Variants in SCNN1A observed in about 807,000 individuals in gnomAD.
The protein encoded by SCNN1A is epithelial sodium channel subunit alpha.
SCNN1A carries 65 observed loss-of-function variants against 68.6 expected under a neutral mutation model. The observed-to-expected ratio is 0.95, with a 90% CI of 0.78 to 1.16. The LOEUF is 1.16. SCNN1A is among the 50% of genes most tolerant of loss of function. The pLI is 0.00. For missense variants in SCNN1A, 880 were observed against 865.9 expected, an observed-to-expected ratio of 1.02 and a Z score of -0.20; for synonymous variants, 357 against 353.3, an observed-to-expected ratio of 1.01 and a Z score of -0.12.
At chr12:6,375,023 C>A in intron 1 of SCNN1A, 186 bp from the exon 2 acceptor site, 1 of 1,543,396 alleles carries the variant, frequency 6.5e-7, no homozygotes. Flanking sequence ...CTGGAGCCAG[C>A]AGACCTGCGG....
In SCNN1A at chr12:6,363,444, A is replaced by G; in HGVS notation, c.683T>C (p.Leu228Pro). Residue 228 changes from leucine to proline, a missense_variant and splice_region_variant, in exon 3 of 13, where the codon CTG becomes CCG. Physicochemically the swap from Leu to Pro is moderately conservative, Grantham distance 98. Coordinates refer to ENST00000228916, the MANE Select transcript of SCNN1A (RefSeq NM_001038.6). ...DWKDWKIGFQLCNQNKSDCFY... is the reference protein window; with the variant it reads ...DWKDWKIGFQPCNQNKSDCFY... ...GCCCCTCGGCGCTGCGGGCCTCACC[A>G]GCTGGAAGCCGATCTTCCAGTCCTT... 6.4e-7 allele frequency: 1 copy of G among 1,574,378 alleles called. No individual in the cohort carries two copies. The highest frequency in any genetic ancestry group is 8.6e-7 in the Non-Finnish European group (1 of 1,162,392).
intron 2 of SCNN1A, among the ~76,000 whole-genome samples, chr12:6,367,792 G>A (rs1210477702): frequency 1.1e-4 from 16 of 152,216 alleles, no homozygotes; most frequent in Admixed American, 1.0e-3. Flanking sequence ...GATTTAATGG[G>A]TCTGGGCTGG....
rs778711245 is a variant in SCNN1A at position 6,355,276 on chromosome 12, C to T, written c.1139G>A (p.Arg380Lys). The change falls in exon 6 of 13, where the codon AGG becomes AAG. Residue 380 changes from arginine (R) to lysine (K), a missense_variant. By Grantham distance (26) the Arg-to-Lys change is conservative. Transcript: ENST00000228916. Reference protein sequence around the residue: ...RPGVETSISMRKETLDRLGGD... With the variant: ...RPGVETSISMKKETLDRLGGD... ...CCTCCCAGTCAGCATCCTTGCCTTC[C>T]TCATGCTGATGGAGGTCTCCACGCC... The T allele has an allele frequency of 3.1e-6, 5 of 1,612,742 alleles. No individual in the cohort carries two copies. Among genetic ancestry groups the T allele is most frequent in the Non-Finnish European group, 4.2e-6 (5 of 1,179,400 alleles).
Position 6,363,551 on chromosome 12 carries a change from C to G in SCNN1A, c.576G>C (p.Arg192Ser), listed in dbSNP as rs574592585. 1 of 1,610,614 alleles carries G rather than the reference C, an allele frequency of 6.2e-7. No homozygotes were observed. Among genetic ancestry groups the G allele is most frequent in the South Asian group, 1.1e-5 (1 of 90,698 alleles). Reference sequence around the variant, plus strand: ...GGGCCCCGTGAGGCGGGGGCGGGACCCTCAGGCGCTGCAAGGGGTGCGGCA... The same window carrying G: ...GGGCCCCGTGAGGCGGGGGCGGGACGCTCAGGCGCTGCAAGGGGTGCGGCA... Reference protein sequence around the residue: ...GTLPHPLQRLRVPPPPHGARR... With the variant: ...GTLPHPLQRLSVPPPPHGARR... The change falls in exon 3 of 13, where the codon AGG (arginine) becomes AGC (serine). Residue 192 changes from arginine to serine, a missense_variant. Arg to Ser is a moderately radical substitution (Grantham distance 110). Transcript: ENST00000228916.
Position 6,348,941 on chromosome 12 carries a change from A to G in SCNN1A, c.1553+9T>C. On this transcript the variant is annotated intron_variant, in intron 11 of 12. Transcript: ENST00000228916. ...CCCTTCTTGTGGCTGGGACCAGGGC[A>G]GGACTGACCTCTTGTTGTTGACGGT... The G allele has an allele frequency of 6.2e-7, 1 of 1,614,000 alleles. No homozygotes were observed. Among genetic ancestry groups the G allele is most frequent in the Non-Finnish European group, 8.5e-7 (1 of 1,179,934 alleles).
Position 6,348,197 on chromosome 12 carries a change from C to G in SCNN1A, c.1686G>C (p.Ser562=), listed in dbSNP as rs199526819. 1 of 1,614,128 alleles carries G rather than the reference C, an allele frequency of 6.2e-7. No individual in the cohort carries two copies. The highest frequency in any genetic ancestry group is 8.5e-7 in the Non-Finnish European group (1 of 1,180,034). The change falls in exon 13 of 13, where the codon TCG becomes TCC. Residue 562 remains serine (S), a synonymous_variant. Coordinates refer to ENST00000228916, the MANE Select transcript of SCNN1A (RefSeq NM_001038.6). Reference sequence around the variant, plus strand: ...CAGCCATCTCCACCACAGACAACACCGAGGAGCCGAACCACAGGCTCCACT... The same window carrying G: ...CAGCCATCTCCACCACAGACAACACGGAGGAGCCGAACCACAGGCTCCACT... The part of the protein sequence containing the change: ...GSQWSLWFGS[S]VLSVVEMAEL...
chr12:6,354,206 G>A (rs924378373), intron 8 of SCNN1A, among the ~76,000 whole-genome samples: 2 of 151,998 alleles, frequency 1.3e-5, no homozygotes, highest in Admixed American at 1.3e-4. Context: ...TCTCCAGCCT[G>A]GGTGACAGAG....
At chr12:6,363,758 TG>T in intron 2 of SCNN1A, 48 bp from the exon 3 acceptor site, 1 of 1,516,890 alleles carries the variant, frequency 6.6e-7, no homozygotes, top group Non-Finnish European at 8.9e-7. Flanking sequence ...CTGGAGCGAG[TG>T]TCTGGCCCCT....
rs886049752 is a variant in SCNN1A at position 6,347,137 on chromosome 12, A to C, written c.*736T>G. 1 of 152,522 alleles carries C rather than the reference A, an allele frequency of 6.6e-6. No homozygotes were observed. Among genetic ancestry groups the C allele is most frequent in the Non-Finnish European group, 1.5e-5 (1 of 68,274 alleles). 9.4% of individuals were successfully genotyped at this position (152,522 alleles called of 1,614,324 possible). On this transcript the variant is annotated 3_prime_UTR_variant, in exon 13 of 13. Transcript: ENST00000228916. Reference sequence around the variant, plus strand: ...GTAATGGTGTCTGAGCAGGGTTCTAAGGGATGCATAGGAGTTCTCTGGCAG... The same window carrying C: ...GTAATGGTGTCTGAGCAGGGTTCTACGGGATGCATAGGAGTTCTCTGGCAG...
In SCNN1A at chr12:6,348,246, G is replaced by A; in HGVS notation, c.1637C>T (p.Thr546Ile). 1 of 1,614,032 alleles carries A rather than the reference G, an allele frequency of 6.2e-7. No individual in the cohort carries two copies. The highest frequency in any genetic ancestry group is 8.5e-7 in the Non-Finnish European group (1 of 1,180,006). Residue 546 changes from threonine to isoleucine, a missense_variant, in exon 13 of 13, where the codon ACC (threonine) becomes ATC (isoleucine). This residue lies in a region of SCNN1A where 758 missense variants were observed against 721.8 expected (regional missense o/e 1.05). Transcript: ENST00000228916. ...CTGGCTGCCCAGGTTGGACAGGAGG[G>A]TGACCATCTGTGAGAGGAGAGGTAC... is the stretch of plus-strand genomic sequence containing the variant. ...NSESPSVTMVTLLSNLGSQWS... is the reference protein window; with the variant it reads ...NSESPSVTMVILLSNLGSQWS...
Position 6,374,999 on chromosome 12 carries a change from C to A in SCNN1A, c.-54-162G>T. ...CCCACATTCTCCCACTCCTCCCTCC[C>A]TCCTCCACCTTTCCTGGAGCCAGCA... On this transcript the variant is annotated intron_variant, in intron 1 of 12. Transcript: ENST00000228916. This position sits in a 1 kb window ranked among gnomAD's most constrained non-coding sequence, Gnocchi z 6.2. 1 of 1,549,534 alleles carries A rather than the reference C, an allele frequency of 6.5e-7. No homozygotes were observed. The highest frequency in any genetic ancestry group is 1.2e-5 in the South Asian group (1 of 84,328).
Position 6,348,067 on chromosome 12 carries a change from C to A in SCNN1A, c.1816G>T (p.Ala606Ser). 6.2e-7 allele frequency: 1 copy of A among 1,613,736 alleles called. No individual in the cohort carries two copies. Among genetic ancestry groups the A allele is most frequent in the Non-Finnish European group, 8.5e-7 (1 of 1,179,826 alleles). ...GRGGRGAQEV[A>S]STLASSPPSH... ...GGAGGGGAGGATGCCAGGGTGGAGG[C>A]TACCTCCTGAGCACCCCTGCCCCCT... The change falls in exon 13 of 13, where the codon GCC becomes TCC. Residue 606 changes from alanine to serine, a missense_variant. Physicochemically the swap from Ala to Ser is moderately conservative, Grantham distance 99. Coordinates refer to ENST00000228916, the MANE Select transcript of SCNN1A (RefSeq NM_001038.6).
At chr12:6,356,915 A>G (rs3782724) in intron 4 of SCNN1A, among the ~76,000 whole-genome samples, 28,863 of 152,114 alleles carry the variant, frequency 0.19, 5,415 homozygotes, top group African/African-American at 0.49. Context: ...GTACGGTCTC[A>G]AGCAGGTCAT....
chr12:6,348,569 A>G (rs1420147232), intron 12 of SCNN1A, among the ~76,000 whole-genome samples, 158 bp downstream of exon 12: 1 of 106,970 alleles, frequency 9.3e-6, no homozygotes, highest in African/African-American at 3.8e-5. Context: ...TCCTTCTTCC[A>G]ACCCTCCCAA....
chr12:6,376,268 G>A, upstream of SCNN1A: 1 of 849,634 alleles, frequency 1.2e-6, no homozygotes, highest in Non-Finnish European at 1.4e-6. Flanking sequence ...CTCCAACCTT[G>A]TCCAGACCCG....
At chr12:6,356,088 G>C in intron 4 of SCNN1A, 2 of 620,740 alleles carry the variant, frequency 3.2e-6, no homozygotes, top group Non-Finnish European at 5.9e-6. Context: ...CCAACAGCCT[G>C]TGAGAGTCTC....
chr12:6,357,071 T>TA (rs1418781877), intron 4 of SCNN1A, among the ~76,000 whole-genome samples: 1 of 152,136 alleles, frequency 6.6e-6, no homozygotes, highest in African/African-American at 2.4e-5. Flanking sequence ...TTCTAGGATG[T>TA]ACTGGGAAGT....
At position 6,374,924 on chromosome 12, in the gene SCNN1A, C is replaced by T; in HGVS notation, c.-54-87G>A. ...CCCTGAGTGCCCTCTCCCATCACCC[C>T]TGGAACCCGAGTGAGGCTGCCCCTG... is the stretch of plus-strand genomic sequence containing the variant. On this transcript the variant is annotated intron_variant, in intron 1 of 12. Coordinates refer to ENST00000228916, the MANE Select transcript of SCNN1A (RefSeq NM_001038.6). The surrounding 1 kb of genome is among the most constrained non-coding windows in gnomAD (Gnocchi z 6.2). The T allele has an allele frequency of 6.2e-7, 1 of 1,602,476 alleles. No homozygotes were observed. Among genetic ancestry groups the T allele is most frequent in the Non-Finnish European group, 8.5e-7 (1 of 1,174,254 alleles).
intron 2 of SCNN1A, among the ~76,000 whole-genome samples, chr12:6,370,004 G>C (rs984784835): frequency 1.3e-5 from 2 of 152,164 alleles, no homozygotes; most frequent in Non-Finnish European, 2.9e-5. Context: ...AGCGGCTGGA[G>C]GGAAGGGATA....
Sources: allele counts gnomAD v4.1 joint callset (sites outside exome capture counted in the v4.1 genomes callset), GRCh38; gene constraint gnomAD v4.1.1; regional missense constraint gnomAD v4.1.1; non-coding constraint Gnocchi (gnomAD v3.1); transcripts MANE v1.5; gene names NCBI Gene and HGNC (gene_info 2026-07-23, HGNC 2026-07-21).